The following SYNPR variants were observed in gnomAD, a reference collection of about 807,000 sequenced individuals.
SYNPR encodes the protein synaptoporin.
Under a neutral mutation model 32.9 loss-of-function variants are expected in SYNPR, and 23 were observed. The ratio of observed to expected loss-of-function variants is 0.70; its 90% CI spans 0.50 to 0.99. The LOEUF is 0.99. Among genes scored for constraint, SYNPR ranks in the 50% least tolerant of loss-of-function variants. SYNPR has a pLI of 0.00. For synonymous variants in SYNPR, 146 were observed against 135.9 expected (o/e 1.07, Z -0.52); for missense variants, 318 against 349.3 (o/e 0.91, Z 0.71).
chr3:63,564,855 G>C (rs1036657440), intron 4 of SYNPR, among the ~76,000 whole-genome samples: 2 of 152,106 alleles, frequency 1.3e-5, no homozygotes, highest in Admixed American at 6.5e-5. Context: ...CTGTAGTTCT[G>C]TAGCCTTAAT....
At chr3:63,343,476 G>A (rs1159476906) in intron 2 of SYNPR, among the ~76,000 whole-genome samples, 1 of 152,190 alleles carries the variant, frequency 6.6e-6, no homozygotes, top group Non-Finnish European at 1.5e-5. Context: ...AGGAGGCAGA[G>A]TGAGGACATT....
At chr3:63,606,350 G>A (rs1419946590) in intron 4 of SYNPR, among the ~76,000 whole-genome samples, 1 of 148,716 alleles carries the variant, frequency 6.7e-6, no homozygotes, top group East Asian at 2.0e-4. Flanking sequence ...TCAATCAGAA[G>A]CTTGTTTATG....
intron 2 of SYNPR, among the ~76,000 whole-genome samples, chr3:63,419,970 T>C (rs763268403): frequency 1.6e-4 from 24 of 152,248 alleles, no homozygotes; most frequent in Admixed American, 3.9e-4. Flanking sequence ...ATGGTTTGCA[T>C]AAAATGTTCA....
At chr3:63,304,258 GA>G (rs1343141936) in intron 2 of SYNPR, among the ~76,000 whole-genome samples, 18 of 151,942 alleles carry the variant, frequency 1.2e-4, no homozygotes, top group Non-Finnish European at 1.5e-5. Context: ...AGGGGAGAAA[GA>G]AAGACGTAAC....
chr3:63,288,849 A>C (rs1420396616), intron 2 of SYNPR, among the ~76,000 whole-genome samples: 1 of 152,120 alleles, frequency 6.6e-6, no homozygotes, highest in Non-Finnish European at 1.5e-5. Context: ...TGAGGAGGGG[A>C]AAAAGAGGAA....
intron 1 of SYNPR, among the ~76,000 whole-genome samples, chr3:63,245,145 G>A (rs73115365): frequency 0.062 from 9,444 of 152,018 alleles, 375 homozygotes; most frequent in Middle Eastern, 0.085. Context: ...ATTTTTGACC[G>A]TGTGAACTAG....
chr3:63,280,720 G>A (rs1349707452), intron 2 of SYNPR, among the ~76,000 whole-genome samples: 1 of 131,692 alleles, frequency 7.6e-6, no homozygotes. Context: ...CCCCCTTGGG[G>A]GAGGGGTGTG....
rs1387081904 is a variant in SYNPR, at chr3:63,452,377, A to G, written c.85-28455A>G. ...AGCCATCTTGGGTACTAATTATGTG[A>G]CAGGCACGGATCCAAGTGTTTTATG... On this transcript the variant is annotated intron_variant, in intron 2 of 5. Transcript: ENST00000478300. Among the ~76,000 whole-genome samples the G allele has an allele frequency of 3.3e-5, 5 of 152,220 alleles. No homozygotes were observed. In the East Asian group the frequency reaches 9.6e-4, roughly 29 times the overall value.
At chr3:63,337,487 A>T (rs1394848479) in intron 2 of SYNPR, among the ~76,000 whole-genome samples, 1 of 152,164 alleles carries the variant, frequency 6.6e-6, no homozygotes, top group Admixed American at 6.5e-5. Context: ...CTTGTCTACC[A>T]TATAATAGAG....
chr3:63,270,466 G>A (rs960470213), intron 3 of SYNPR, among the ~76,000 whole-genome samples: 1 of 152,196 alleles, frequency 6.6e-6, no homozygotes, highest in Non-Finnish European at 1.5e-5. Flanking sequence ...GAGAATGTGG[G>A]TGAACCAGTT....
intron 2 of SYNPR, among the ~76,000 whole-genome samples, chr3:63,281,195 G>T (rs1197233724): frequency 6.6e-6 from 1 of 152,088 alleles, no homozygotes; most frequent in Non-Finnish European, 1.5e-5. Flanking sequence ...TTCCCTCACT[G>T]GTTCCTTTCA....
chr3:63,375,240 T>A (rs1447690325), intron 2 of SYNPR, among the ~76,000 whole-genome samples: 1 of 152,190 alleles, frequency 6.6e-6, no homozygotes, highest in African/African-American at 2.4e-5. Flanking sequence ...CAAAGGATTA[T>A]AAATCATGCT....
intron 2 of SYNPR, among the ~76,000 whole-genome samples, chr3:63,455,236 A>G (rs1700459558): frequency 6.6e-6 from 1 of 152,122 alleles, no homozygotes; most frequent in Non-Finnish European, 1.5e-5. Flanking sequence ...ATGTTAAAGG[A>G]GACAAAAATA....
chr3:63,510,986 G>A lies in SYNPR; in HGVS notation c.209+30030G>A, dbSNP rs908356764. On this transcript the variant is annotated intron_variant, in intron 3 of 5. Transcript: ENST00000478300. ...ATTTGTTCTGCAAATGTGGTCTCCTGCATCTGATTATGTGGGATGCTTGTT... is the reference window on the plus strand; with the variant it reads ...ATTTGTTCTGCAAATGTGGTCTCCTACATCTGATTATGTGGGATGCTTGTT... Among the ~76,000 whole-genome samples, 3 of 146,280 alleles carry A rather than the reference G, an allele frequency of 2.1e-5. No individual in the cohort carries two copies. In the Admixed American group the frequency reaches 2.1e-4, roughly 10 times the overall value.
chr3:63,559,064 T>A (rs1702639661), intron 4 of SYNPR, among the ~76,000 whole-genome samples: 1 of 138,986 alleles, frequency 7.2e-6, no homozygotes, highest in Non-Finnish European at 1.5e-5. Context: ...TAAATATCAA[T>A]ACTTTCTTTT....
At chr3:63,300,082 G>A (rs1287493388) in intron 2 of SYNPR, among the ~76,000 whole-genome samples, 3 of 152,106 alleles carry the variant, frequency 2.0e-5, no homozygotes, top group Non-Finnish European at 4.4e-5. Context: ...GTACTCAAGA[G>A]TGATTTGGAT....
chr3:63,259,040 G>A (rs569237464), intron 2 of SYNPR, among the ~76,000 whole-genome samples: 8 of 152,114 alleles, frequency 5.3e-5, no homozygotes, highest in Admixed American at 3.3e-4. Context: ...CTGAATCTCT[G>A]AATACACCAA....
intron 2 of SYNPR, among the ~76,000 whole-genome samples, chr3:63,420,907 C>T (rs1001489092): frequency 6.6e-6 from 1 of 152,068 alleles, no homozygotes; most frequent in Admixed American, 6.6e-5. Flanking sequence ...TTTTGAGTCA[C>T]GGTCTTGCTG....
intron 1 of SYNPR, among the ~76,000 whole-genome samples, chr3:63,231,366 A>G (rs2086165345): frequency 6.6e-6 from 1 of 152,108 alleles, no homozygotes; most frequent in Non-Finnish European, 1.5e-5. Flanking sequence ...AAGACTACAT[A>G]TTGGATACAA....
Sources: gnomAD v4.1 joint callset for allele counts (sites outside exome capture counted in the v4.1 genomes callset) on GRCh38, gnomAD v4.1.1 for gene constraint, MANE v1.5 for transcripts, NCBI Gene and HGNC (gene_info 2026-07-23, HGNC 2026-07-21) for gene names.